FNIP1: variants seen among roughly 807,000 people sequenced by gnomAD.
FNIP1 encodes folliculin-interacting protein 1.
FNIP1 carries 40 observed loss-of-function variants against 124.5 expected under a neutral mutation model. The observed-to-expected ratio is 0.32, with a 90% CI of 0.25 to 0.42. The LOEUF is 0.42. FNIP1 is among the 10% of genes least tolerant of loss of function. The pLI is 1.00. For missense variants in FNIP1, 1,176 were observed against 1,403.7 expected (o/e 0.84, Z 2.59); for synonymous variants, 472 against 470.6 (o/e 1.00, Z -0.04).
chr5:131,708,351 T>G (rs1769183182), intron 8 of FNIP1, among the ~76,000 whole-genome samples: 1 of 152,234 alleles, frequency 6.6e-6, no homozygotes, highest in South Asian at 2.1e-4. Context: ...CAACACATGC[T>G]ATCACACTGA....
At chr5:131,722,984 C>T (rs1476594344) in intron 3 of FNIP1, among the ~76,000 whole-genome samples, 1 of 152,048 alleles carries the variant, frequency 6.6e-6, no homozygotes, top group African/African-American at 2.4e-5. Flanking sequence ...TCGCCCAGCC[C>T]ACAAAGTTAA....
chr5:131,778,494 C>CA (rs1167414584), intron 1 of FNIP1, among the ~76,000 whole-genome samples: 8 of 145,760 alleles, frequency 5.5e-5, no homozygotes, highest in Non-Finnish European at 1.2e-4. Flanking sequence ...AGTCAGGAAA[C>CA]AACAGGTGCT....
chr5:131,645,988 C>A (rs1174014099), intron 17 of FNIP1, among the ~76,000 whole-genome samples: 1 of 152,136 alleles, frequency 6.6e-6, no homozygotes, highest in Non-Finnish European at 1.5e-5. Context: ...CAATGACTTA[C>A]TTTTCATTGT....
At chr5:131,739,837 A>AG (rs1561683746) in intron 2 of FNIP1, among the ~76,000 whole-genome samples, 9 of 150,244 alleles carry the variant, frequency 6.0e-5, no homozygotes, top group African/African-American at 2.2e-4. Context: ...AAAAAAAAAA[A>AG]CACTGTTTTA....
intron 1 of FNIP1, 94 bp downstream of exon 1, chr5:131,796,736 C>T: frequency 8.3e-7 from 1 of 1,206,528 alleles, no homozygotes; most frequent in Non-Finnish European, 1.1e-6. Context: ...CGCGGCGCTT[C>T]CGCTCGGGTC....
chr5:131,793,283 C>T (rs960197336), intron 1 of FNIP1, among the ~76,000 whole-genome samples: 4 of 152,152 alleles, frequency 2.6e-5, no homozygotes, highest in African/African-American at 9.7e-5. Context: ...CTCCTCCCGC[C>T]ATGGGCCTCC....
intron 10 of FNIP1, among the ~76,000 whole-genome samples, chr5:131,700,645 A>T (rs1028275301): frequency 6.6e-6 from 1 of 152,138 alleles, no homozygotes; most frequent in African/African-American, 2.4e-5. Context: ...TCTTATCAGC[A>T]ATGCTATTTT....
chr5:131,680,924 T>C (rs1020538714), intron 11 of FNIP1, among the ~76,000 whole-genome samples: 5 of 152,094 alleles, frequency 3.3e-5, no homozygotes, highest in African/African-American at 1.2e-4. Context: ...GAGGGAGACA[T>C]GGACAAAGGA....
intron 1 of FNIP1, among the ~76,000 whole-genome samples, chr5:131,776,855 T>C (rs906898905): frequency 6.6e-6 from 1 of 152,218 alleles, no homozygotes; most frequent in African/African-American, 2.4e-5. Flanking sequence ...ATATATTATA[T>C]AAAGTGTGTT....
Position 131,672,022 on chromosome 5 carries a change from A to G in FNIP1, c.2422T>C (p.Ser808Pro). 6.2e-7 allele frequency: 1 copy of G among 1,613,738 alleles called. No homozygotes were observed. The highest frequency in any genetic ancestry group is 8.5e-7 in the Non-Finnish European group (1 of 1,179,908). The change falls in exon 14 of 18, where the codon TCT (serine) becomes CCT (proline). Residue 808 changes from serine (S) to proline (P), a missense_variant. Transcript: ENST00000510461. ...KQTTKDQSGE[S>P]DTQNMVSEEP... The stretch of plus-strand genomic sequence containing the variant: ...TCAGAAACCATGTTCTGTGTATCAG[A>G]CTCTCCAGATTGGTCCTTGGTTGTT...
At chr5:131,744,776 T>C (rs941847223) in intron 1 of FNIP1, 86 bp from the exon 2 acceptor site, 4 of 1,063,670 alleles carry the variant, frequency 3.8e-6, no homozygotes, top group Non-Finnish European at 4.9e-6. Flanking sequence ...TAAATCTATA[T>C]AATAAAGCCC....
chr5:131,745,901 G>T (rs989343741), intron 1 of FNIP1, among the ~76,000 whole-genome samples: 1 of 152,208 alleles, frequency 6.6e-6, no homozygotes, highest in African/African-American at 2.4e-5. Flanking sequence ...GACCTCCAGA[G>T]TTTGGAGAGT....
chr5:131,645,606 T>G (rs894309417), intron 17 of FNIP1, among the ~76,000 whole-genome samples: 1 of 152,230 alleles, frequency 6.6e-6, no homozygotes, highest in Non-Finnish European at 1.5e-5. Context: ...GAATTCATTT[T>G]GAAACTTTCT....
chr5:131,683,502 G>A (rs1288107292), intron 11 of FNIP1, among the ~76,000 whole-genome samples: 79 of 142,364 alleles, frequency 5.5e-4, no homozygotes, highest in Admixed American at 1.2e-3. Flanking sequence ...GCAGTGAGCC[G>A]AAACTGCGCC....
At chr5:131,653,016 A>G (rs910048694) in intron 15 of FNIP1, among the ~76,000 whole-genome samples, 3 of 152,158 alleles carry the variant, frequency 2.0e-5, no homozygotes, top group African/African-American at 7.2e-5. Flanking sequence ...ATTCACACAA[A>G]TAAGTCAATG....
In FNIP1 at chr5:131,704,048, T is replaced by G. The variant is rs373284837; in HGVS notation, c.1116+17A>C. ...AGATTTTAAAAGGAAAATACATAAA[T>G]AAATAACTATGCTTACCTGTTCTAT... On this transcript the variant is annotated intron_variant, in intron 10 of 17. Coordinates refer to ENST00000510461, the MANE Select transcript of FNIP1 (RefSeq NM_133372.3). 2 of 1,551,110 alleles carry G rather than the reference T, an allele frequency of 1.3e-6. No homozygotes were observed. Among genetic ancestry groups the G allele is most frequent in the African/African-American group, 2.8e-5 (2 of 72,426 alleles).
In FNIP1 at chr5:131,647,081, T is replaced by G. The variant is rs757130175; in HGVS notation, c.3422+9A>C. ...GAAAGCAAAGCCAAAAAAGAAACCA[T>G]TAACATACCCCAGAACCACTCCCAG... On this transcript the variant is annotated intron_variant, in intron 17 of 17. Coordinates refer to ENST00000510461, the MANE Select transcript of FNIP1 (RefSeq NM_133372.3). The G allele has an allele frequency of 6.2e-7, 1 of 1,612,958 alleles. No individual in the cohort carries two copies. The highest frequency in any genetic ancestry group is 8.5e-7 in the Non-Finnish European group (1 of 1,179,194).
At chr5:131,652,134 CAAG>C in intron 15 of FNIP1, 135 bp from the exon 16 acceptor site, 2 of 725,458 alleles carry the variant, frequency 2.8e-6, no homozygotes, top group South Asian at 1.9e-5. Flanking sequence ...TCTCCTTGAC[CAAG>C]AAGAATAATT....
At chr5:131,783,833 T>C (rs1772075261) in intron 1 of FNIP1, among the ~76,000 whole-genome samples, 1 of 152,068 alleles carries the variant, frequency 6.6e-6, no homozygotes, top group Admixed American at 6.5e-5. Flanking sequence ...CTTAGCAGAC[T>C]GCCAACCAAG....
Sources: gnomAD v4.1 joint callset for allele counts (sites outside exome capture counted in the v4.1 genomes callset) on GRCh38, gnomAD v4.1.1 for gene constraint, MANE v1.5 for transcripts, NCBI Gene and HGNC (gene_info 2026-07-23, HGNC 2026-07-21) for gene names.